Variants in ADGRV1 observed in about 807,000 individuals in gnomAD.
ADGRV1 encodes the protein adhesion G protein-coupled receptor V1, also known as G-protein coupled receptor 98.
ADGRV1 carries 359 observed loss-of-function variants against 596.2 expected under a neutral mutation model. That is an observed-to-expected ratio of 0.60 (90% CI 0.55 to 0.66). ADGRV1 has a LOEUF of 0.66. Ranked by LOEUF, ADGRV1 falls within the 30% of genes least tolerant of loss-of-function variation. ADGRV1 has a pLI of 0.00. For missense variants in ADGRV1, 7,274 were observed against 7,575.6 expected (o/e 0.96, Z 1.48); for synonymous variants, 2,681 against 2,679.2 (o/e 1.00, Z -0.02).
At chr5:90,603,639 G>A (rs993492315) in intron 1 of ADGRV1, among the ~76,000 whole-genome samples, 2 of 152,052 alleles carry the variant, frequency 1.3e-5, no homozygotes, top group South Asian at 4.1e-4. Context: ...CTACAGCTGG[G>A]AAGATGGCAG....
chr5:90,978,752 A>G (rs1309784912), intron 84 of ADGRV1, among the ~76,000 whole-genome samples: 1 of 152,200 alleles, frequency 6.6e-6, no homozygotes, highest in Non-Finnish European at 1.5e-5. Flanking sequence ...TTTAAATAAA[A>G]TTATTTTTAA....
chr5:90,690,969 C>T lies in ADGRV1; in HGVS notation c.6879C>T (p.Thr2293=). The T allele has an allele frequency of 6.2e-7, 1 of 1,613,804 alleles. No homozygotes were observed. The highest frequency in any genetic ancestry group is 8.5e-7 in the Non-Finnish European group (1 of 1,179,806). ...TGCGAGTTGTCTCAGGTAATGTGACCTTTGCCCCTGGGGAAACCATTCAAA... is the reference window on the plus strand; with the variant it reads ...TGCGAGTTGTCTCAGGTAATGTGACTTTTGCCCCTGGGGAAACCATTCAAA... ...GDLRVVSGNV[T]FAPGETIQTL... is the part of the protein sequence containing the mutation. The change falls in exon 31 of 90, where the codon ACC becomes ACT. Residue 2293 remains threonine, a synonymous_variant. Coordinates refer to ENST00000405460, the MANE Select transcript of ADGRV1 (RefSeq NM_032119.4).
chr5:90,783,172 GA>G lies in ADGRV1; in HGVS notation c.13282del (p.Thr4428LeufsTer5). 1 of 1,613,676 alleles carries G rather than the reference GA, an allele frequency of 6.2e-7. No homozygotes were observed. Among genetic ancestry groups the G allele is most frequent in the Non-Finnish European group, 8.5e-7 (1 of 1,179,668 alleles). ...ATGATCCCAGTGGTGAGGCTACATGGAACTTATGGCTATGTGACAGCTGATT... is the reference window on the plus strand; with the variant it reads ...ATGATCCCAGTGGTGAGGCTACATGGACTTATGGCTATGTGACAGCTGATT... ...LIMIPVVRLH[G>X]TYGYVTADFI... On this transcript the variant is annotated frameshift_variant, in exon 66 of 90. Transcript: ENST00000405460. LOFTEE classifies it high-confidence loss of function.
Position 90,810,770 on chromosome 5 carries a change from G to A in ADGRV1, c.15510G>A (p.Leu5170=), listed in dbSNP as rs1284504420. Reference sequence around the variant, plus strand: ...GCACAAGCAAGACGACTACCATTCTGCAGCCAACCAACGTGGTTGCCATTG... The same window carrying A: ...GCACAAGCAAGACGACTACCATTCTACAGCCAACCAACGTGGTTGCCATTG... ...YLSTSKTTTI[L]QPTNVVAIVT... Residue 5170 remains leucine (L), a synonymous_variant, in exon 74 of 90, where the codon CTG becomes CTA. Coordinates refer to ENST00000405460, the MANE Select transcript of ADGRV1 (RefSeq NM_032119.4). The A allele has an allele frequency of 3.1e-6, 5 of 1,613,868 alleles. No homozygotes were observed. Among genetic ancestry groups the A allele is most frequent in the Non-Finnish European group, 4.2e-6 (5 of 1,179,864 alleles).
At chr5:90,681,294 T>G in intron 26 of ADGRV1, 21 bp from the exon 27 acceptor site, 1 of 1,598,464 alleles carries the variant, frequency 6.3e-7, no homozygotes, top group East Asian at 2.2e-5. Context: ...TTTTTCTATT[T>G]GTTGGAACTT....
intron 85 of ADGRV1, among the ~76,000 whole-genome samples, chr5:91,063,197 G>A (rs541171182): frequency 1.5e-3 from 224 of 151,888 alleles, no homozygotes; most frequent in African/African-American, 5.2e-3. Flanking sequence ...GAGCTCAAGC[G>A]ATCTGCCCAC....
chr5:91,088,164 T>C (rs1354627230), intron 86 of ADGRV1, among the ~76,000 whole-genome samples: 1 of 152,204 alleles, frequency 6.6e-6, no homozygotes, highest in Non-Finnish European at 1.5e-5. Context: ...AGCTCTGTTG[T>C]ACAATTTTAT....
intron 34 of ADGRV1, among the ~76,000 whole-genome samples, chr5:90,703,464 C>G (rs1748170138): frequency 6.6e-6 from 1 of 152,032 alleles, no homozygotes; most frequent in Non-Finnish European, 1.5e-5. Flanking sequence ...TCAAGTTCTA[C>G]TAAATTGAAG....
intron 83 of ADGRV1, among the ~76,000 whole-genome samples, chr5:90,901,458 C>A (rs981410179): frequency 6.6e-6 from 1 of 152,216 alleles, no homozygotes; most frequent in Admixed American, 6.5e-5. Context: ...ACCTCTATTG[C>A]CCCTAAACCT....
intron 11 of ADGRV1, chr5:90,640,598 G>GGGTC (rs1463914050): frequency 6.6e-6 from 1 of 152,268 alleles, no homozygotes; most frequent in Non-Finnish European, 1.5e-5. Context: ...GCTGGCCATG[G>GGGTC]GGTCATCTTC....
At position 90,840,793 on chromosome 5, in the gene ADGRV1, T is replaced by C. The variant is rs1765356363; in HGVS notation, c.16827T>C (p.Asp5609=). The change falls in exon 78 of 90, where the codon GAT becomes GAC. Residue 5609 remains aspartate, a synonymous_variant. Coordinates refer to ENST00000405460, the MANE Select transcript of ADGRV1 (RefSeq NM_032119.4). ...ACCCAAAAGGTGGTGCCAGAATTGA[T>C]AAAGTGTATGGGACTGCCAACATCA... ...LFDPKGGARI[D]KVYGTANITL... The C allele has an allele frequency of 2.5e-6, 4 of 1,613,846 alleles. No homozygotes were observed. In the South Asian group the frequency reaches 3.3e-5, roughly 13 times the overall value.
intron 83 of ADGRV1, among the ~76,000 whole-genome samples, chr5:90,927,698 C>T (rs916620749): frequency 4.6e-5 from 7 of 151,470 alleles, no homozygotes; most frequent in Non-Finnish European, 7.4e-5. Context: ...TGATTTTGCT[C>T]GTTAGTTGAT....
chr5:90,807,971 G>A (rs1369056406), intron 73 of ADGRV1, among the ~76,000 whole-genome samples: 1 of 152,166 alleles, frequency 6.6e-6, no homozygotes, highest in African/African-American at 2.4e-5. Context: ...AATGGGGTCT[G>A]GGGTACCATC....
chr5:90,596,849 G>C (rs1018619482), intron 1 of ADGRV1, among the ~76,000 whole-genome samples: 1 of 152,052 alleles, frequency 6.6e-6, no homozygotes, highest in African/African-American at 2.4e-5. Context: ...GAGGGAGAGC[G>C]AGAGGGAGAG....
chr5:91,099,269 A>G (rs80168708), intron 86 of ADGRV1, among the ~76,000 whole-genome samples: 1 of 146,798 alleles, frequency 6.8e-6, no homozygotes, highest in South Asian at 2.1e-4. Flanking sequence ...TTCTCTCTCA[A>G]AAAAAAAAAA....
rs186286818 is a variant in ADGRV1 at position 90,808,986 on chromosome 5, G to A, written c.14973-1247G>A. 1.5e-3 allele frequency among the ~76,000 whole-genome samples: 221 copies of A among 144,788 alleles called. 4 individuals are homozygous for A. The highest frequency in any genetic ancestry group is 0.012 in the Admixed American group (176 of 14,102). The allele number at this position is 144,788 out of a possible 152,430, so 95.0% of individuals were successfully genotyped here. On this transcript the variant is annotated intron_variant, in intron 73 of 89. Transcript: ENST00000405460. ...TTTTGAGATGGAGACTCGCTCTTTC[G>A]CCCAGGCCGGACTGTAGTGGTGCTA...
intron 89 of ADGRV1, among the ~76,000 whole-genome samples, chr5:91,161,927 C>G (rs939575313): frequency 6.6e-6 from 1 of 152,150 alleles, no homozygotes; most frequent in African/African-American, 2.4e-5. Flanking sequence ...TTCAGGGCAT[C>G]AGGAGACCTG....
At position 90,788,256 on chromosome 5, in the gene ADGRV1, T is replaced by C. The variant is rs755808829; in HGVS notation, c.13839T>C (p.His4613=). ...EVEETFIIKL[H]LVKGEAKLDS... ...AAGAGACATTCATTATTAAACTTCA[T>C]CTTGTGAAAGGAGAAGCTAAATTAG... Residue 4613 remains histidine (H), a synonymous_variant, in exon 68 of 90, where the codon CAT becomes CAC. Transcript: ENST00000405460. 17 of 1,612,062 alleles carry C rather than the reference T, an allele frequency of 1.1e-5. No individual in the cohort carries two copies. The highest frequency in any genetic ancestry group is 2.7e-5 in the African/African-American group (2 of 75,012).
intron 34 of ADGRV1, among the ~76,000 whole-genome samples, chr5:90,700,300 T>C (rs1172481751): frequency 6.6e-6 from 1 of 152,176 alleles, no homozygotes; most frequent in Non-Finnish European, 1.5e-5. Context: ...GTTTCATTTA[T>C]GTGATTAGAT....
Sources: gnomAD v4.1 joint callset for allele counts (sites outside exome capture counted in the v4.1 genomes callset) on GRCh38, gnomAD v4.1.1 for gene constraint, MANE v1.5 for transcripts, NCBI Gene and HGNC (gene_info 2026-07-23, HGNC 2026-07-21) for gene names.